RASGRP1: variants seen among roughly 807,000 people sequenced by gnomAD.
RASGRP1 encodes RAS guanyl-releasing protein 1.
A neutral mutation model predicts 95.1 loss-of-function variants in RASGRP1; 37 were observed. That is an observed-to-expected ratio of 0.39 (90% CI 0.30 to 0.51). RASGRP1 has a LOEUF of 0.51. RASGRP1 is among the 20% of genes least tolerant of loss of function. The pLI is 0.80. For synonymous variants in RASGRP1, 325 were observed against 353.4 expected (o/e 0.92, Z 0.90); for missense variants, 711 against 965.4 (o/e 0.74, Z 3.49).
chr15:38,556,223 G>T (rs970870389), intron 2 of RASGRP1, among the ~76,000 whole-genome samples: 1 of 152,200 alleles, frequency 6.6e-6, no homozygotes, highest in Non-Finnish European at 1.5e-5. Context: ...CAGAAGGCGG[G>T]AGTGGGTTGT....
chr15:38,494,037 G>A (rs1890697634), intron 16 of RASGRP1, among the ~76,000 whole-genome samples: 1 of 152,162 alleles, frequency 6.6e-6, no homozygotes, highest in South Asian at 2.1e-4. Context: ...TAGATACTGT[G>A]GTTTTTCTCT....
chr15:38,509,748 T>C (rs1042695968), intron 8 of RASGRP1, among the ~76,000 whole-genome samples: 19 of 152,084 alleles, frequency 1.2e-4, no homozygotes, highest in Admixed American at 6.5e-5. Context: ...TAATAAAATT[T>C]ATGAATTATT....
At chr15:38,517,155 G>T (rs566520175) in intron 5 of RASGRP1, among the ~76,000 whole-genome samples, 1 of 152,226 alleles carries the variant, frequency 6.6e-6, no homozygotes, top group South Asian at 2.1e-4. Context: ...TGGCCAGTGA[G>T]CATATTACAC....
intron 2 of RASGRP1, among the ~76,000 whole-genome samples, chr15:38,536,666 T>A (rs551197474): frequency 6.6e-6 from 1 of 152,204 alleles, no homozygotes; most frequent in Admixed American, 6.5e-5. Flanking sequence ...ATAGATAACC[T>A]CATTCCAGTG....
At chr15:38,515,015 GAAGTTATTTCC>G (rs1232695221) in intron 6 of RASGRP1, among the ~76,000 whole-genome samples, 1 of 152,352 alleles carries the variant, frequency 6.6e-6, no homozygotes, top group East Asian at 1.9e-4. Flanking sequence ...AATGCTTGGA[GAAGTTATTTCC>G]AAATGGAAGC....
At chr15:38,532,724 A>C (rs1326456714) in intron 2 of RASGRP1, among the ~76,000 whole-genome samples, 1 of 152,218 alleles carries the variant, frequency 6.6e-6, no homozygotes, top group East Asian at 1.9e-4. Context: ...TCAAGTAGAA[A>C]TAATTTTTGA....
intron 6 of RASGRP1, among the ~76,000 whole-genome samples, chr15:38,514,394 T>C (rs1891676116): frequency 6.6e-6 from 1 of 152,128 alleles, no homozygotes; most frequent in South Asian, 2.1e-4. Flanking sequence ...TATATTCCAG[T>C]GAATACATTT....
chr15:38,508,598 T>C (rs1273134081), intron 8 of RASGRP1, among the ~76,000 whole-genome samples: 1 of 152,188 alleles, frequency 6.6e-6, no homozygotes, highest in African/African-American at 2.4e-5. Flanking sequence ...GCAAGTGACA[T>C]TCCATTCACA....
chr15:38,546,036 C>T (rs144902042), intron 2 of RASGRP1, among the ~76,000 whole-genome samples: 2 of 152,184 alleles, frequency 1.3e-5, no homozygotes, highest in East Asian at 3.9e-4. Context: ...TTGGCATAGC[C>T]ATTATAACCA....
At chr15:38,562,018 A>G (rs1272594422) in intron 1 of RASGRP1, among the ~76,000 whole-genome samples, 2 of 152,204 alleles carry the variant, frequency 1.3e-5, no homozygotes, top group Non-Finnish European at 2.9e-5. Context: ...CTGAATCTAA[A>G]AAAGGGTAAA....
chr15:38,526,031 T>C (rs538096248), intron 3 of RASGRP1, among the ~76,000 whole-genome samples: 1 of 152,262 alleles, frequency 6.6e-6, no homozygotes, highest in South Asian at 2.1e-4. Flanking sequence ...AAAATATTTT[T>C]TACTATTAAG....
At chr15:38,495,742 A>T (rs921772976) in intron 15 of RASGRP1, among the ~76,000 whole-genome samples, 40 of 152,216 alleles carry the variant, frequency 2.6e-4, no homozygotes, top group African/African-American at 9.6e-4. Context: ...AAGTGCTCAA[A>T]TATTTAAATT....
chr15:38,490,534 T>C lies in RASGRP1; in HGVS notation c.*20A>G, dbSNP rs1262253989. 3.1e-6 allele frequency: 5 copies of C among 1,609,596 alleles called. No individual in the cohort carries two copies. Among genetic ancestry groups the C allele is most frequent in the Non-Finnish European group, 2.5e-6 (3 of 1,177,886 alleles). On this transcript the variant is annotated 3_prime_UTR_variant, in exon 17 of 17. Transcript: ENST00000310803. ...GAGATCACTATACTCATCTACAGAT[T>C]GTGCTACTTAGTTTCTGGGCTAAGA... is the stretch of plus-strand genomic sequence containing the variant.
At chr15:38,553,304 T>A (rs1304939703) in intron 2 of RASGRP1, among the ~76,000 whole-genome samples, 1 of 152,268 alleles carries the variant, frequency 6.6e-6, no homozygotes, top group East Asian at 1.9e-4. Context: ...GAACTGTAGA[T>A]GACCTTCTCC....
At chr15:38,553,545 G>A (rs905103800) in intron 2 of RASGRP1, among the ~76,000 whole-genome samples, 16 of 152,126 alleles carry the variant, frequency 1.1e-4, no homozygotes, top group African/African-American at 3.1e-4. Flanking sequence ...CCATGGGGAC[G>A]GGCATAAGTT....
chr15:38,508,311 A>G (rs1252847382), intron 8 of RASGRP1, among the ~76,000 whole-genome samples: 1 of 152,222 alleles, frequency 6.6e-6, no homozygotes, highest in Non-Finnish European at 1.5e-5. Flanking sequence ...GACCTGATAC[A>G]AAAATTAAAA....
rs192363854 is a variant in RASGRP1, at chr15:38,560,802, C to T, written c.36-797G>A. ...GAAACAGAAAGCAGAGCTGTGAGAG[C>T]GTTGTTCCAGCACTCAGTGTAAAAG... On this transcript the variant is annotated intron_variant, in intron 1 of 16. Coordinates refer to ENST00000310803, the MANE Select transcript of RASGRP1 (RefSeq NM_005739.4). Among the ~76,000 whole-genome samples the T allele has an allele frequency of 4.6e-5, 7 of 152,264 alleles. No individual in the cohort carries two copies. The East Asian group carries it at 7.7e-4, about 17-fold the overall frequency.
At chr15:38,496,291 T>A (rs988960368) in intron 15 of RASGRP1, among the ~76,000 whole-genome samples, 2 of 152,210 alleles carry the variant, frequency 1.3e-5, no homozygotes, top group Non-Finnish European at 2.9e-5. Flanking sequence ...TTTCATTTTG[T>A]TGCCCATGAT....
At chr15:38,548,150 A>C (rs1233608372) in intron 2 of RASGRP1, among the ~76,000 whole-genome samples, 1 of 152,170 alleles carries the variant, frequency 6.6e-6, no homozygotes, top group Non-Finnish European at 1.5e-5. Flanking sequence ...TTTAAAACAG[A>C]CACAGCCACT....
Sources: allele counts gnomAD v4.1 joint callset (sites outside exome capture counted in the v4.1 genomes callset), GRCh38; gene constraint gnomAD v4.1.1; transcripts MANE v1.5; gene names NCBI Gene and HGNC (gene_info 2026-07-23, HGNC 2026-07-21).